Variants in DCAF12 observed in about 807,000 individuals in gnomAD.
The protein encoded by DCAF12 is DDB1 and CUL4 associated factor 12.
Under a neutral mutation model 52.8 loss-of-function variants are expected in DCAF12, and 28 were observed. The observed-to-expected ratio is 0.53, with a 90% CI of 0.39 to 0.73. DCAF12 has a LOEUF of 0.73. Ranked by LOEUF, DCAF12 falls within the 30% of genes least tolerant of loss-of-function variation. The pLI is 0.00. For missense variants in DCAF12, 425 were observed against 552.2 expected, an observed-to-expected ratio of 0.77 and a Z score of 2.31; for synonymous variants, 196 against 215.5, an observed-to-expected ratio of 0.91 and a Z score of 0.79.
intron 2 of DCAF12, among the ~76,000 whole-genome samples, chr9:34,124,053 T>A (rs1012947294): frequency 6.6e-6 from 1 of 152,200 alleles, no homozygotes; most frequent in Non-Finnish European, 1.5e-5. Context: ...ATGGTATTAT[T>A]TCCTTCCTTA....
At chr9:34,104,271 A>AC (rs1828872134) in intron 4 of DCAF12, among the ~76,000 whole-genome samples, 1 of 152,152 alleles carries the variant, frequency 6.6e-6, no homozygotes, top group Non-Finnish European at 1.5e-5. Flanking sequence ...TTAAAAAAAA[A>AC]GAAAAAAACA....
At chr9:34,098,538 A>C (rs1400726340) in intron 4 of DCAF12, 21 bp from the exon 5 acceptor site, 1 of 1,603,676 alleles carries the variant, frequency 6.2e-7, no homozygotes, top group Non-Finnish European at 8.5e-7. Context: ...AGGAGAACAC[A>C]GATGTCAGAT....
chr9:34,119,520 C>A (rs918420050), intron 2 of DCAF12, among the ~76,000 whole-genome samples: 1 of 152,062 alleles, frequency 6.6e-6, no homozygotes, highest in African/African-American at 2.4e-5. Flanking sequence ...TGCATAATAC[C>A]ATCCAGATTT....
At chr9:34,106,340 G>T in intron 4 of DCAF12, 94 bp downstream of exon 4, 1 of 1,092,118 alleles carries the variant, frequency 9.2e-7, no homozygotes, top group Non-Finnish European at 1.3e-6. Context: ...ACTGAGCCCG[G>T]CTGGGCTGTT....
In DCAF12 at chr9:34,116,367, A is replaced by G. The variant is rs569541962; in HGVS notation, c.333+8656T>C. Among the ~76,000 whole-genome samples, 8 of 151,834 alleles carry G rather than the reference A, an allele frequency of 5.3e-5. No homozygotes were observed. In the South Asian group the frequency reaches 1.7e-3, roughly 32 times the overall value. On this transcript the variant is annotated intron_variant, in intron 2 of 8. Coordinates refer to ENST00000361264, the MANE Select transcript of DCAF12 (RefSeq NM_015397.4). Reference sequence around the variant, plus strand: ...CGTCTCAAAAATAAATAAATAAATAATACAAATAAATAAATAAATCTGGCT... The same window carrying G: ...CGTCTCAAAAATAAATAAATAAATAGTACAAATAAATAAATAAATCTGGCT...
At chr9:34,110,985 GTTTTTT>G in intron 2 of DCAF12, among the ~76,000 whole-genome samples, 1 of 125,944 alleles carries the variant, frequency 7.9e-6, no homozygotes, top group Non-Finnish European at 1.7e-5. Context: ...ATTCTTTTCT[GTTTTTT>G]TTTTTTTTTT....
chr9:34,101,990 G>C (rs1219680976), intron 4 of DCAF12, among the ~76,000 whole-genome samples: 2 of 150,226 alleles, frequency 1.3e-5, no homozygotes, highest in African/African-American at 4.9e-5. Flanking sequence ...ACTCCAACCT[G>C]GGTGACAGAG....
chr9:34,121,378 G>A (rs966625885), intron 2 of DCAF12, among the ~76,000 whole-genome samples: 4 of 152,062 alleles, frequency 2.6e-5, no homozygotes, highest in Admixed American at 6.6e-5. Flanking sequence ...CCCAAATCAC[G>A]TGCAACAAGT....
intron 2 of DCAF12, among the ~76,000 whole-genome samples, chr9:34,113,811 A>G (rs1829043024): frequency 6.6e-6 from 1 of 152,218 alleles, no homozygotes; most frequent in Non-Finnish European, 1.5e-5. Flanking sequence ...TAAATGCATA[A>G]AGAAAATGTG....
intron 2 of DCAF12, among the ~76,000 whole-genome samples, chr9:34,115,969 G>A (rs1829082403): frequency 1.3e-5 from 2 of 152,086 alleles, no homozygotes. Flanking sequence ...TTTATGCCAC[G>A]TCCAAATTTT....
At chr9:34,100,311 G>C (rs1828807208) in intron 4 of DCAF12, among the ~76,000 whole-genome samples, 1 of 148,088 alleles carries the variant, frequency 6.8e-6, no homozygotes, top group African/African-American at 2.5e-5. Flanking sequence ...CCATTCTCCT[G>C]CCTCAGCCTC....
At chr9:34,098,800 G>T (rs1376228284) in intron 4 of DCAF12, among the ~76,000 whole-genome samples, 4 of 152,048 alleles carry the variant, frequency 2.6e-5, no homozygotes, top group East Asian at 1.9e-4. Flanking sequence ...ACAGAGTCTC[G>T]CTTTGTCACC....
chr9:34,105,965 G>C (rs1420237143), intron 4 of DCAF12, among the ~76,000 whole-genome samples: 1 of 151,950 alleles, frequency 6.6e-6, no homozygotes, highest in African/African-American at 2.4e-5. Context: ...GGCCAGCCTG[G>C]TCTCGAACTC....
intron 4 of DCAF12, among the ~76,000 whole-genome samples, chr9:34,100,669 ATT>A (rs554051217): frequency 2.9e-5 from 4 of 135,898 alleles, no homozygotes; most frequent in African/African-American, 8.2e-5. Flanking sequence ...TAATTTTTGC[ATT>A]TTTTTTTTTT....
Position 34,126,483 on chromosome 9 carries a change from G to A in DCAF12, c.-52C>T, listed in dbSNP as rs752372983. 3.2e-6 allele frequency: 5 copies of A among 1,577,858 alleles called. No homozygotes were observed. The highest frequency in any genetic ancestry group is 4.3e-6 in the Non-Finnish European group (5 of 1,168,384). On this transcript the variant is annotated 5_prime_UTR_variant, in exon 1 of 9. Transcript: ENST00000361264. Reference sequence around the variant, plus strand: ...AGCCACATGGGGCGGGGGAAGCGAAGGATAGCAGGACGGCGGGTCATATAC... The same window carrying A: ...AGCCACATGGGGCGGGGGAAGCGAAAGATAGCAGGACGGCGGGTCATATAC...
intron 2 of DCAF12, 72 bp from the exon 3 acceptor site, chr9:34,107,637 T>G: frequency 7.9e-7 from 1 of 1,268,352 alleles, no homozygotes; most frequent in Non-Finnish European, 1.1e-6. Flanking sequence ...AACATCCTTT[T>G]GTTCAACTGT....
chr9:34,097,411 T>C (rs766345865), intron 5 of DCAF12, among the ~76,000 whole-genome samples: 1 of 151,854 alleles, frequency 6.6e-6, no homozygotes, highest in Non-Finnish European at 1.5e-5. Context: ...TATGCCACCA[T>C]GCCTGGCTAA....
chr9:34,124,127 T>C (rs1434794197), intron 2 of DCAF12, among the ~76,000 whole-genome samples: 1 of 152,252 alleles, frequency 6.6e-6, no homozygotes, highest in Non-Finnish European at 1.5e-5. Flanking sequence ...CTTAAGACTT[T>C]CTTGATCTAG....
At chr9:34,111,665 A>AC (rs1829005188) in intron 2 of DCAF12, among the ~76,000 whole-genome samples, 1 of 152,036 alleles carries the variant, frequency 6.6e-6, no homozygotes, top group African/African-American at 2.4e-5. Context: ...ATAAGCCTAG[A>AC]CCCCCTGATC....
Sources: allele counts gnomAD v4.1 joint callset (sites outside exome capture counted in the v4.1 genomes callset), GRCh38; gene constraint gnomAD v4.1.1; transcripts MANE v1.5; gene names NCBI Gene and HGNC (gene_info 2026-07-23, HGNC 2026-07-21).